SRI: variants seen among roughly 807,000 people sequenced by gnomAD.
SRI encodes the protein sorcin, also known as 22 kDa protein.
Under a neutral mutation model 33.3 loss-of-function variants are expected in SRI, and 30 were observed. The observed-to-expected ratio is 0.90, with a 90% CI of 0.67 to 1.22. The LOEUF is 1.22. Ranked by LOEUF, SRI falls within the 50% of genes most tolerant of loss-of-function variation. The pLI, the probability that SRI is intolerant of heterozygous loss-of-function variation, is 0.00. For missense variants in SRI, 243 were observed against 250.8 expected, an observed-to-expected ratio of 0.97 and a Z score of 0.21; for synonymous variants, 75 against 89.9, an observed-to-expected ratio of 0.83 and a Z score of 0.94.
intron 4 of SRI, chr7:88,210,585 C>A (rs1851551798): frequency 2.5e-6 from 1 of 396,988 alleles, no homozygotes; most frequent in Non-Finnish European, 4.6e-6. Context: ...TGTGAAAAAT[C>A]CCATCACTTG....
At position 88,208,498 on chromosome 7, in the gene SRI, A is replaced by G; in HGVS notation, c.570+9T>C. The G allele has an allele frequency of 6.2e-7, 1 of 1,613,740 alleles. No homozygotes were observed. The highest frequency in any genetic ancestry group is 1.1e-5 in the South Asian group (1 of 91,030). On this transcript the variant is annotated intron_variant, in intron 7 of 7. Transcript: ENST00000265729. Reference sequence around the variant, plus strand: ...TCATCTACTGTATCTCTTAATTTCTAAGACTTACATCATCATATGGGAAAT... The same window carrying G: ...TCATCTACTGTATCTCTTAATTTCTGAGACTTACATCATCATATGGGAAAT...
intron 1 of SRI, among the ~76,000 whole-genome samples, chr7:88,225,294 G>A (rs190999346): frequency 6.6e-6 from 1 of 152,096 alleles, no homozygotes; most frequent in Non-Finnish European, 1.5e-5. Flanking sequence ...GTGTATGTAT[G>A]TATATCATTG....
chr7:88,209,209 A>G, intron 6 of SRI, 130 bp downstream of exon 6: 1 of 692,026 alleles, frequency 1.4e-6, no homozygotes, highest in Admixed American at 3.1e-5. Flanking sequence ...TATGCTTAAT[A>G]GTAATCTGAA....
chr7:88,217,521 T>A (rs982272721), intron 2 of SRI, among the ~76,000 whole-genome samples: 4 of 152,232 alleles, frequency 2.6e-5, no homozygotes, highest in African/African-American at 9.6e-5. Flanking sequence ...CAGACATCAA[T>A]AAATAGAAGG....
At chr7:88,220,160 T>G, upstream of SRI, 3 of 1,336,832 alleles carry the variant, frequency 2.2e-6, no homozygotes, top group South Asian at 1.9e-5. Flanking sequence ...CGCAGTCGTC[T>G]CCAGCTCTTG....
At chr7:88,214,458 G>C (rs1851658304) in intron 3 of SRI, among the ~76,000 whole-genome samples, 1 of 152,168 alleles carries the variant, frequency 6.6e-6, no homozygotes, top group Admixed American at 6.5e-5. Flanking sequence ...GGATCTGAAA[G>C]GGCAGTGAGA....
chr7:88,213,444 C>A (rs192306944), intron 3 of SRI, among the ~76,000 whole-genome samples: 2 of 152,332 alleles, frequency 1.3e-5, no homozygotes, highest in Non-Finnish European at 2.9e-5. Context: ...GGGTCTTCTG[C>A]ACATGCTGTT....
At chr7:88,224,124 C>G (rs1286317681), upstream of SRI, among the ~76,000 whole-genome samples, 1 of 152,150 alleles carries the variant, frequency 6.6e-6, no homozygotes, top group African/African-American at 2.4e-5. Context: ...GAAGAGCAGA[C>G]CTAGCCAGAT....
At position 88,210,231 on chromosome 7, in the gene SRI, A is replaced by T; in HGVS notation, c.250-101T>A. The T allele has an allele frequency of 2.3e-6, 3 of 1,303,286 alleles. No homozygotes were observed. The South Asian group carries it at 3.6e-5, about 15-fold the overall frequency. The allele number at this position is 1,303,286 out of a possible 1,614,324, so 80.7% of individuals were successfully genotyped here. On this transcript the variant is annotated intron_variant, in intron 4 of 7. Coordinates refer to ENST00000265729, the MANE Select transcript of SRI (RefSeq NM_003130.4). ...GAATTCAATATTCAATGGCTAAAAA[A>T]GTTATTGTAGATTATTCTTGGTATG... is the stretch of plus-strand genomic sequence containing the variant.
chr7:88,207,154 C>T (rs946453548), intron 7 of SRI, among the ~76,000 whole-genome samples: 2 of 152,170 alleles, frequency 1.3e-5, no homozygotes, highest in African/African-American at 4.8e-5. Flanking sequence ...AGCTCTATTG[C>T]AAGGTCAAGG....
At chr7:88,217,227 T>C (rs763888230) in intron 2 of SRI, 36 bp from the exon 3 acceptor site, 1 of 1,562,540 alleles carries the variant, frequency 6.4e-7, no homozygotes, top group Non-Finnish European at 8.8e-7. Flanking sequence ...ATAATAGTGA[T>C]TTGTACTTTC....
chr7:88,210,345 T>C (rs1851545372), intron 4 of SRI: 2 of 592,714 alleles, frequency 3.4e-6, no homozygotes, highest in Admixed American at 2.9e-5. Context: ...ATAACTTACA[T>C]GACTTGATTA....
In SRI at chr7:88,206,341, A is replaced by C; in HGVS notation, c.*137T>G. 2.0e-6 allele frequency: 2 copies of C among 1,004,606 alleles called. No homozygotes were observed. The highest frequency in any genetic ancestry group is 1.6e-5 in the African/African-American group (1 of 62,916). The allele number at this position is 1,004,606 out of a possible 1,614,324, so 62.2% of individuals were successfully genotyped here. A position where few individuals can be genotyped will look rare whatever the true frequency, so the allele number is the denominator to read the frequency against. On this transcript the variant is annotated 3_prime_UTR_variant, in exon 8 of 8. Coordinates refer to ENST00000265729, the MANE Select transcript of SRI (RefSeq NM_003130.4). Reference sequence around the variant, plus strand: ...AACTAAAACAAAACTTCAGTTGTACATAAAGTAATAAACTTTACAACAGCT... The same window carrying C: ...AACTAAAACAAAACTTCAGTTGTACCTAAAGTAATAAACTTTACAACAGCT...
At chr7:88,220,076 G>A (rs1266657286), upstream of SRI, 3 of 1,476,032 alleles carry the variant, frequency 2.0e-6, no homozygotes, top group Admixed American at 2.3e-5. Context: ...AGGCCTCTCC[G>A]CCCCCTGCCC....
upstream of SRI, chr7:88,220,194 C>T: frequency 3.8e-6 from 5 of 1,313,844 alleles, no homozygotes; most frequent in Non-Finnish European, 4.8e-6. Context: ...CCGTGGCTCC[C>T]CTGCCTGCGC....
chr7:88,209,321 C>G lies in SRI; in HGVS notation c.511+18G>C. The G allele has an allele frequency of 6.3e-7, 1 of 1,594,888 alleles. No individual in the cohort carries two copies. The highest frequency in any genetic ancestry group is 8.6e-7 in the Non-Finnish European group (1 of 1,162,834). On this transcript the variant is annotated intron_variant, in intron 6 of 7. Transcript: ENST00000265729. ...TGTGTCTTGGCTTGTGGTGATGACACGACCTTATAGAACTCACCTGTAAGA... is the reference window on the plus strand; with the variant it reads ...TGTGTCTTGGCTTGTGGTGATGACAGGACCTTATAGAACTCACCTGTAAGA...
upstream of SRI, among the ~76,000 whole-genome samples, chr7:88,220,357 CTT>C (rs60686940): frequency 0.75 from 110,422 of 147,336 alleles, 42,080 homozygotes; most frequent in Middle Eastern, 0.84. Context: ...CCCAGGAATT[CTT>C]TTTTTTTTTT....
upstream of SRI, among the ~76,000 whole-genome samples, chr7:88,221,621 C>G (rs539051741): frequency 6.6e-6 from 1 of 152,304 alleles, no homozygotes; most frequent in Non-Finnish European, 1.5e-5. Flanking sequence ...CGTGGATAAA[C>G]GGCTATACGA....
At chr7:88,221,413 G>A (rs1851884896), upstream of SRI, among the ~76,000 whole-genome samples, 1 of 152,146 alleles carries the variant, frequency 6.6e-6, no homozygotes, top group South Asian at 2.1e-4. Flanking sequence ...CAATCATCAA[G>A]GTAGCAATCA....
Sources: gnomAD v4.1 joint callset for allele counts (sites outside exome capture counted in the v4.1 genomes callset) on GRCh38, gnomAD v4.1.1 for gene constraint, MANE v1.5 for transcripts, NCBI Gene and HGNC (gene_info 2026-07-23, HGNC 2026-07-21) for gene names.